The following SDK1 variants were observed in gnomAD, a reference collection of about 807,000 sequenced individuals.
SDK1 encodes the protein protein sidekick-1.
In SDK1, 157 loss-of-function variants were observed where a neutral mutation model predicts 245.5. The observed-to-expected ratio is 0.64, with a 90% CI of 0.56 to 0.73. SDK1 has a LOEUF of 0.73. SDK1 is among the 30% of genes least tolerant of loss of function. The pLI is 0.00. For synonymous variants in SDK1, 1,647 were observed against 1,278.5 expected (o/e 1.29, Z -6.15); for missense variants, 3,583 against 3,002.3 (o/e 1.19, Z -4.52).
intron 4 of SDK1, among the ~76,000 whole-genome samples, chr7:3,655,390 A>T (rs1783132373): frequency 6.9e-6 from 1 of 145,242 alleles, no homozygotes; most frequent in Non-Finnish European, 1.5e-5. Context: ...CCGAGATCGC[A>T]GCATTGCTCT....
chr7:3,413,127 G>C (rs936081414), intron 1 of SDK1, among the ~76,000 whole-genome samples: 7 of 152,198 alleles, frequency 4.6e-5, no homozygotes, highest in Admixed American at 2.0e-4. Context: ...TGATATTTCA[G>C]CTAAACCTGG....
In SDK1 at chr7:3,796,603, T is replaced by A. The variant is rs980345658; in HGVS notation, c.714-24847T>A. On this transcript the variant is annotated intron_variant, in intron 4 of 44. Transcript: ENST00000404826. ...AGCCAGGCGCAACCACTTCTTACCATCTCCCTCGTGACCACCTTGGCTCAA... is the reference window on the plus strand; with the variant it reads ...AGCCAGGCGCAACCACTTCTTACCAACTCCCTCGTGACCACCTTGGCTCAA... Among the ~76,000 whole-genome samples, 4 of 152,098 alleles carry A rather than the reference T, an allele frequency of 2.6e-5. No individual in the cohort carries two copies. The South Asian group carries it at 6.2e-4, about 24-fold the overall frequency.
intron 4 of SDK1, among the ~76,000 whole-genome samples, chr7:3,759,666 A>G (rs1167618352): frequency 6.6e-6 from 1 of 151,438 alleles, no homozygotes; most frequent in Non-Finnish European, 1.5e-5. Context: ...GCCTTAGCTC[A>G]TTGCAACCTC....
chr7:3,610,997 T>G (rs117316108), intron 1 of SDK1, among the ~76,000 whole-genome samples: 2,540 of 152,362 alleles, frequency 0.017, 29 homozygotes, highest in Non-Finnish European at 0.022. Context: ...GCACAATCTT[T>G]GACTTGTGTT....
chr7:4,073,056 C>T (rs1388172313), intron 20 of SDK1, among the ~76,000 whole-genome samples: 1 of 152,224 alleles, frequency 6.6e-6, no homozygotes, highest in Non-Finnish European at 1.5e-5. Flanking sequence ...TTTAGATCAA[C>T]AGAAAATTAT....
chr7:4,229,571 G>T (rs1181056963), intron 40 of SDK1, among the ~76,000 whole-genome samples: 2 of 152,132 alleles, frequency 1.3e-5, no homozygotes, highest in African/African-American at 4.8e-5. Context: ...GTACAGGAAG[G>T]GAGAATCATT....
chr7:3,961,024 C>G (rs961095213), intron 8 of SDK1, among the ~76,000 whole-genome samples: 2 of 152,222 alleles, frequency 1.3e-5, no homozygotes, highest in Non-Finnish European at 2.9e-5. Context: ...AAATGACAAT[C>G]TTAAACTCCC....
At chr7:3,987,448 G>C (rs1279308305) in intron 14 of SDK1, 126 bp downstream of exon 14, 1 of 1,024,472 alleles carries the variant, frequency 9.8e-7, no homozygotes, top group African/African-American at 1.6e-5. Flanking sequence ...ATGCTTTACA[G>C]GGTTTCAAAC....
At chr7:4,191,835 T>G (rs1357295329) in intron 35 of SDK1, among the ~76,000 whole-genome samples, 1 of 152,174 alleles carries the variant, frequency 6.6e-6, no homozygotes. Flanking sequence ...TCCACAGGTG[T>G]GGCCGGGCAG....
At chr7:3,457,961 T>C (rs974050530) in intron 1 of SDK1, among the ~76,000 whole-genome samples, 1 of 152,238 alleles carries the variant, frequency 6.6e-6, no homozygotes, top group African/African-American at 2.4e-5. Flanking sequence ...CACACTTGTC[T>C]AGGTAAAAAG....
intron 35 of SDK1, among the ~76,000 whole-genome samples, chr7:4,180,174 C>T (rs112955103): frequency 9.9e-5 from 15 of 151,630 alleles, no homozygotes; most frequent in East Asian, 3.9e-4. Flanking sequence ...CTATGCCCAG[C>T]GCCCAGCTCC....
At position 3,718,583 on chromosome 7, in the gene SDK1, A is replaced by G. The variant is rs997479944; in HGVS notation, c.713+76478A>G. On this transcript the variant is annotated intron_variant, in intron 4 of 44. Coordinates refer to ENST00000404826, the MANE Select transcript of SDK1 (RefSeq NM_152744.4). Reference sequence around the variant, plus strand: ...AATAAATAAATAAATAAATAAATAAATAAATATCTAACACTCATTCATGCT... The same window carrying G: ...AATAAATAAATAAATAAATAAATAAGTAAATATCTAACACTCATTCATGCT... 1.3e-4 allele frequency among the ~76,000 whole-genome samples: 14 copies of G among 109,214 alleles called. No individual in the cohort carries two copies. In the East Asian group the frequency reaches 3.8e-3, roughly 29 times the overall value. 71.6% of individuals were successfully genotyped at this position (109,214 alleles called of 152,430 possible). A position where few individuals can be genotyped will look rare whatever the true frequency, so the allele number is the denominator to read the frequency against.
chr7:4,229,457 GT>G (rs1275668902), intron 40 of SDK1, among the ~76,000 whole-genome samples: 4 of 152,112 alleles, frequency 2.6e-5, no homozygotes, highest in Non-Finnish European at 4.4e-5. Flanking sequence ...ATCGTTCTGC[GT>G]TAAGATTCTG....
In SDK1 at chr7:4,248,028, C is replaced by T. The variant is rs191164762; in HGVS notation, c.6381+2223C>T. ...GCATTTTCAACATGGGCTAATGGAA[C>T]GCATTTGGTCTGTTTCTCCCCCCAA... On this transcript the variant is annotated intron_variant, in intron 44 of 44. Transcript: ENST00000404826. Among the ~76,000 whole-genome samples the T allele has an allele frequency of 3.4e-3, 513 of 152,224 alleles. 4 individuals carry two copies. Among genetic ancestry groups the T allele is most frequent in the African/African-American group, 0.012 (494 of 41,506 alleles).
chr7:4,221,298 C>T lies in SDK1; in HGVS notation c.5761C>T (p.Gln1921Ter). 6.2e-7 allele frequency: 1 copy of T among 1,613,852 alleles called. No individual in the cohort carries two copies. Among genetic ancestry groups the T allele is most frequent in the Non-Finnish European group, 8.5e-7 (1 of 1,179,978 alleles). Residue 1921 changes from glutamine to a stop codon, truncating the protein, a stop_gained, in exon 40 of 45, where the codon CAG becomes TAG. Coordinates refer to ENST00000404826, the MANE Select transcript of SDK1 (RefSeq NM_152744.4). LOFTEE classifies it high-confidence loss of function. ...VTKSASELTL[Q>*]WTEGHSGDTP... is the part of the protein sequence containing the mutation. ...CAAGTCCGCCTCTGAACTGACGCTG[C>T]AGTGGACTGAGGGACACTCTGGCGA...
At chr7:4,259,468 A>G (rs1305158703) in intron 44 of SDK1, among the ~76,000 whole-genome samples, 2 of 152,192 alleles carry the variant, frequency 1.3e-5, no homozygotes, top group African/African-American at 2.4e-5. Context: ...AACAGCCACA[A>G]ATACAGATCC....
intron 1 of SDK1, among the ~76,000 whole-genome samples, chr7:3,414,679 A>G (rs1223899241): frequency 6.6e-6 from 1 of 152,182 alleles, no homozygotes; most frequent in Non-Finnish European, 1.5e-5. Flanking sequence ...CATCACCACT[A>G]TCTTGACTGC....
chr7:4,147,699 A>G (rs17134410), intron 29 of SDK1, among the ~76,000 whole-genome samples: 8,622 of 152,206 alleles, frequency 0.057, 544 homozygotes, highest in African/African-American at 0.15. Context: ...TGTAAAGCAC[A>G]TGGAAGGGAT....
At chr7:3,510,416 A>C (rs1782541545) in intron 1 of SDK1, among the ~76,000 whole-genome samples, 1 of 152,190 alleles carries the variant, frequency 6.6e-6, no homozygotes, top group Non-Finnish European at 1.5e-5. Context: ...GTCACTGCCA[A>C]GGCACTCGGT....
Sources: gnomAD v4.1 joint callset for allele counts (sites outside exome capture counted in the v4.1 genomes callset) on GRCh38, gnomAD v4.1.1 for gene constraint, MANE v1.5 for transcripts, NCBI Gene and HGNC (gene_info 2026-07-23, HGNC 2026-07-21) for gene names.